Variants in TBC1D5 observed in about 807,000 individuals in gnomAD.
TBC1D5 encodes the protein TBC1 domain family, member 5.
Under a neutral mutation model 100.3 loss-of-function variants are expected in TBC1D5, and 75 were observed. That is an observed-to-expected ratio of 0.75 (90% CI 0.62 to 0.91). TBC1D5 has a LOEUF of 0.91. TBC1D5 is among the 40% of genes least tolerant of loss of function. The pLI is 0.00. For synonymous variants in TBC1D5, 323 were observed against 325.6 expected (o/e 0.99, Z 0.09); for missense variants, 910 against 942.4 (o/e 0.97, Z 0.45).
intron 3 of TBC1D5, 97 bp downstream of exon 3, chr3:17,508,377 T>C: frequency 1.1e-6 from 1 of 903,858 alleles, no homozygotes; most frequent in Middle Eastern, 2.4e-4. Context: ...TTCATCAAAA[T>C]GTGTTCACAC....
chr3:17,726,991 T>C (rs932295139), intron 1 of TBC1D5, among the ~76,000 whole-genome samples: 3 of 152,188 alleles, frequency 2.0e-5, no homozygotes, highest in African/African-American at 4.8e-5. Flanking sequence ...TACTAATAGA[T>C]AGTAAGATTC....
At chr3:17,319,697 C>T (rs1190593418) in intron 13 of TBC1D5, among the ~76,000 whole-genome samples, 7 of 151,968 alleles carry the variant, frequency 4.6e-5, no homozygotes, top group Admixed American at 4.6e-4. Flanking sequence ...GGTGAAACCC[C>T]GTCTCTACTA....
intron 2 of TBC1D5, among the ~76,000 whole-genome samples, chr3:17,587,980 T>C (rs547443722): frequency 2.6e-5 from 4 of 152,150 alleles, no homozygotes; most frequent in African/African-American, 9.6e-5. Context: ...AGTACCAATA[T>C]ATATTATCAT....
rs147580934 is a variant in TBC1D5, at chr3:17,605,341, A to G, written c.-36+18508T>C. The stretch of plus-strand genomic sequence containing the variant: ...AAATTTATAATACCCTAGAGACCAT[A>G]TACATCAGAAAACCCTACAATTTTT... On this transcript the variant is annotated intron_variant, in intron 2 of 21. Transcript: ENST00000253692. 9.9e-3 allele frequency among the ~76,000 whole-genome samples: 1,513 copies of G among 152,332 alleles called. 28 individuals are homozygous for G. Among genetic ancestry groups the G allele is most frequent in the African/African-American group, 0.034 (1,418 of 41,562 alleles).
At position 17,405,528 on chromosome 3, in the gene TBC1D5, T is replaced by C. The variant is rs137982976; in HGVS notation, c.277-567A>G. On this transcript the variant is annotated intron_variant, in intron 5 of 21. Transcript: ENST00000253692. Reference sequence around the variant, plus strand: ...TTTGATTTAATTTAGTTTAATACAATATTAAAATAAATTTGGATTTAGATT... The same window carrying C: ...TTTGATTTAATTTAGTTTAATACAACATTAAAATAAATTTGGATTTAGATT... Among the ~76,000 whole-genome samples, 15 of 152,162 alleles carry C rather than the reference T, an allele frequency of 9.9e-5. No individual in the cohort carries two copies. In the East Asian group the frequency reaches 2.5e-3, roughly 25 times the overall value.
exon 22 of TBC1D5, chr3:17,161,212 A>T: frequency 6.2e-7 from 1 of 1,614,166 alleles, no homozygotes; most frequent in Non-Finnish European, 8.5e-7. Context: ...GGATGAAGTC[A>T]TCGGAATTCC....
exon 3 of TBC1D5, chr3:17,508,476 C>T (rs776537230): frequency 6.2e-7 from 1 of 1,612,620 alleles, no homozygotes; most frequent in Non-Finnish European, 8.5e-7. Context: ...AAACTCACCT[C>T]CAGACTTGTT....
intron 1 of TBC1D5, among the ~76,000 whole-genome samples, chr3:17,690,667 CA>C (rs1297851170): frequency 2.0e-5 from 3 of 152,184 alleles, no homozygotes; most frequent in Non-Finnish European, 4.4e-5. Context: ...ATTAGATTCT[CA>C]TAAGACTGCT....
intron 2 of TBC1D5, among the ~76,000 whole-genome samples, chr3:17,545,194 G>A (rs577013149): frequency 6.6e-6 from 1 of 151,998 alleles, no homozygotes; most frequent in Admixed American, 6.6e-5. Context: ...TTAGAGATAG[G>A]GCCTTTACAG....
Position 17,551,631 on chromosome 3 carries a change from A to G in TBC1D5, c.-35-43026T>C, listed in dbSNP as rs371329031. 2.0e-4 allele frequency among the ~76,000 whole-genome samples: 30 copies of G among 152,310 alleles called. No individual in the cohort carries two copies. In the South Asian group the frequency reaches 6.0e-3, roughly 30 times the overall value. On this transcript the variant is annotated intron_variant, in intron 2 of 21. Coordinates refer to ENST00000253692, the Ensembl canonical transcript of TBC1D5. ...ATGCTCTTAGTGTAATCGCAGCCAC[A>G]GAAGTAGTTCTGTAATGAGGGAAGC...
rs994569032 is a variant in TBC1D5, at chr3:17,679,464, T to A, written c.-100-55551A>T. 6.6e-5 allele frequency among the ~76,000 whole-genome samples: 10 copies of A among 151,614 alleles called. 1 individual carries two copies. The highest frequency in any genetic ancestry group is 2.2e-4 in the African/African-American group (9 of 40,928). On this transcript the variant is annotated intron_variant, in intron 1 of 21. Coordinates refer to ENST00000253692, the Ensembl canonical transcript of TBC1D5. The stretch of plus-strand genomic sequence containing the variant: ...TTCAAAATGACAATCATGAATTTTT[T>A]AAAAATCCTTGTTAATTGATAAAAT...
chr3:17,305,365 A>C (rs550950799), intron 14 of TBC1D5, among the ~76,000 whole-genome samples: 7 of 152,252 alleles, frequency 4.6e-5, no homozygotes, highest in South Asian at 4.1e-4. Flanking sequence ...GGACCATATA[A>C]TTTTTATGAT....
At chr3:17,422,230 G>A (rs923013591) in intron 4 of TBC1D5, among the ~76,000 whole-genome samples, 1 of 152,046 alleles carries the variant, frequency 6.6e-6, no homozygotes, top group African/African-American at 2.4e-5. Context: ...GCACAGTGGT[G>A]CGATCTTGGC....
chr3:17,331,106 A>C (rs1432932700), intron 13 of TBC1D5, among the ~76,000 whole-genome samples: 1 of 152,146 alleles, frequency 6.6e-6, no homozygotes, highest in African/African-American at 2.4e-5. Flanking sequence ...TGCAATTAGA[A>C]TGTGATCCTG....
chr3:17,540,910 A>C (rs2096347559), intron 2 of TBC1D5, among the ~76,000 whole-genome samples: 1 of 126,874 alleles, frequency 7.9e-6, no homozygotes, highest in Non-Finnish European at 1.9e-5. Flanking sequence ...CATCTCAAAA[A>C]AAAAAAAAAA....
intron 3 of TBC1D5, among the ~76,000 whole-genome samples, chr3:17,454,143 G>A (rs1241589591): frequency 6.6e-6 from 1 of 152,080 alleles, no homozygotes; most frequent in Non-Finnish European, 1.5e-5. Context: ...AGCCATATAT[G>A]ACAGACCCAC....
chr3:17,522,208 A>C (rs1226152790), intron 2 of TBC1D5, among the ~76,000 whole-genome samples: 1 of 152,146 alleles, frequency 6.6e-6, no homozygotes, highest in Non-Finnish European at 1.5e-5. Flanking sequence ...TTTCTCTCAG[A>C]ATCCACGTTG....
At chr3:17,304,854 C>A (rs2083240475) in intron 14 of TBC1D5, among the ~76,000 whole-genome samples, 2 of 149,860 alleles carry the variant, frequency 1.3e-5, no homozygotes, top group Admixed American at 1.3e-4. Flanking sequence ...TTCCTTGCCC[C>A]TGCACTGTCC....
At chr3:17,371,139 T>C (rs948380068) in intron 13 of TBC1D5, among the ~76,000 whole-genome samples, 3 of 152,032 alleles carry the variant, frequency 2.0e-5, no homozygotes, top group African/African-American at 7.2e-5. Context: ...TGTTCTGCTA[T>C]GACATGTTAC....
Sources: allele counts gnomAD v4.1 joint callset (sites outside exome capture counted in the v4.1 genomes callset), GRCh38; gene constraint gnomAD v4.1.1; transcripts MANE v1.5; gene names NCBI Gene and HGNC (gene_info 2026-07-23, HGNC 2026-07-21).